The following NR6A1 variants were observed in gnomAD, a reference collection of about 807,000 sequenced individuals.
NR6A1 encodes the protein retinoic acid receptor-related testis-associated receptor.
Under a neutral mutation model 59.1 loss-of-function variants are expected in NR6A1, and 7 were observed. That is an observed-to-expected ratio of 0.12 (90% CI 0.07 to 0.22). The LOEUF is 0.22. NR6A1 is among the 10% of genes least tolerant of loss of function. The pLI, the probability that NR6A1 is intolerant of heterozygous loss-of-function variation, is 1.00. For synonymous variants in NR6A1, 243 were observed against 236.1 expected (o/e 1.03, Z -0.27); for missense variants, 468 against 611.6 (o/e 0.77, Z 2.48).
Position 124,582,260 on chromosome 9 carries a change from C to T in NR6A1, c.143-27690G>A, listed in dbSNP as rs1834794404. ...AGTCAGCCATAAAAAAGAACAAGAT[C>T]TGCAAGGACACAGATGAAGCTGGGG... On this transcript the variant is annotated intron_variant, in intron 2 of 9. Transcript: ENST00000487099. Among the ~76,000 whole-genome samples, 3 of 152,030 alleles carry T rather than the reference C, an allele frequency of 2.0e-5. No individual in the cohort carries two copies. The South Asian group carries it at 6.2e-4, about 32-fold the overall frequency.
Position 124,608,086 on chromosome 9 carries a change from C to T in NR6A1, c.143-53516G>A, listed in dbSNP as rs1367211716. Among the ~76,000 whole-genome samples the T allele has an allele frequency of 2.6e-5, 4 of 151,842 alleles. No individual in the cohort carries two copies. The South Asian group carries it at 6.2e-4, about 24-fold the overall frequency. ...AAAAAATAAATAAAAAAAATAATTT[C>T]GTGCTTAGGAGGAAAAATGACAACC... is the stretch of plus-strand genomic sequence containing the variant. On this transcript the variant is annotated intron_variant, in intron 2 of 9. Transcript: ENST00000487099.
intron 2 of NR6A1, among the ~76,000 whole-genome samples, chr9:124,611,751 G>A (rs537201106): frequency 1.1e-5 from 1 of 94,048 alleles, no homozygotes; most frequent in South Asian, 3.6e-4. Context: ...CCCTGTCTTA[G>A]AGAGAGAGAG....
At chr9:124,663,627 AG>A (rs1156840983) in intron 2 of NR6A1, among the ~76,000 whole-genome samples, 5 of 152,200 alleles carry the variant, frequency 3.3e-5, no homozygotes, top group Non-Finnish European at 7.4e-5. Flanking sequence ...ACACTCAGTA[AG>A]GGCTTGAGGT....
Position 124,522,697 on chromosome 9 carries a change from G to A in NR6A1, c.*8C>T. Reference sequence around the variant, plus strand: ...TGTGGTTGGCCTGAGGAGGGCGCCTGGAACAGGTCATTCCTTGCCCACACT... The same window carrying A: ...TGTGGTTGGCCTGAGGAGGGCGCCTAGAACAGGTCATTCCTTGCCCACACT... On this transcript the variant is annotated 3_prime_UTR_variant, in exon 10 of 10. Transcript: ENST00000487099. 2.6e-6 allele frequency: 4 copies of A among 1,566,048 alleles called. No homozygotes were observed. The highest frequency in any genetic ancestry group is 3.5e-6 in the Non-Finnish European group (4 of 1,155,808).
intron 2 of NR6A1, among the ~76,000 whole-genome samples, chr9:124,573,893 A>C (rs1403980248): frequency 6.6e-6 from 1 of 152,222 alleles, no homozygotes; most frequent in Non-Finnish European, 1.5e-5. Flanking sequence ...CAAATTTACC[A>C]AACTATTATC....
intron 2 of NR6A1, among the ~76,000 whole-genome samples, chr9:124,575,571 C>G (rs1177191470): frequency 2.6e-5 from 4 of 152,022 alleles, no homozygotes; most frequent in African/African-American, 4.8e-5. Flanking sequence ...GAGACTCTGT[C>G]TCAAAAAAAT....
intron 1 of NR6A1, among the ~76,000 whole-genome samples, chr9:124,749,417 T>C (rs1840432379): frequency 6.6e-6 from 1 of 152,210 alleles, no homozygotes; most frequent in South Asian, 2.1e-4. Flanking sequence ...ACTTAGGGAA[T>C]AGGACCTTTT....
intron 2 of NR6A1, among the ~76,000 whole-genome samples, chr9:124,603,412 CT>C (rs1406395906): frequency 6.6e-6 from 1 of 152,006 alleles, no homozygotes; most frequent in Non-Finnish European, 1.5e-5. Context: ...GTTTTTTCCC[CT>C]AGACAAACTC....
intron 1 of NR6A1, among the ~76,000 whole-genome samples, chr9:124,736,039 A>T (rs1564260136): frequency 6.6e-6 from 1 of 152,222 alleles, no homozygotes; most frequent in Non-Finnish European, 1.5e-5. Context: ...ACACGGATTG[A>T]ATGTTGAACA....
chr9:124,622,745 A>C (rs1836113293), intron 2 of NR6A1, among the ~76,000 whole-genome samples: 1 of 151,998 alleles, frequency 6.6e-6, no homozygotes, highest in Non-Finnish European at 1.5e-5. Flanking sequence ...CAACAAAAAC[A>C]CTGGAAAACC....
intron 1 of NR6A1, among the ~76,000 whole-genome samples, chr9:124,734,347 G>A (rs1242588990): frequency 1.3e-5 from 2 of 152,190 alleles, no homozygotes; most frequent in East Asian, 1.9e-4. Flanking sequence ...AGCCTAGCAC[G>A]GAGTAGCTGT....
chr9:124,529,825 T>A (rs568852192), intron 7 of NR6A1, among the ~76,000 whole-genome samples: 5 of 152,170 alleles, frequency 3.3e-5, no homozygotes, highest in African/African-American at 1.2e-4. Context: ...CCACTCCTCA[T>A]CATAGCACTG....
intron 2 of NR6A1, among the ~76,000 whole-genome samples, chr9:124,625,217 T>C (rs573536776): frequency 3.7e-4 from 57 of 152,336 alleles, no homozygotes; most frequent in African/African-American, 1.3e-3. Context: ...ATCTGTCTAG[T>C]TTTAGTTTCC....
At chr9:124,758,575 TA>T (rs1445386963) in intron 1 of NR6A1, among the ~76,000 whole-genome samples, 2 of 152,204 alleles carry the variant, frequency 1.3e-5, no homozygotes, top group Non-Finnish European at 2.9e-5. Flanking sequence ...TGATCTTGTT[TA>T]AACAACAAAA....
At chr9:124,598,106 C>T (rs192791227) in intron 2 of NR6A1, among the ~76,000 whole-genome samples, 1 of 152,196 alleles carries the variant, frequency 6.6e-6, no homozygotes. Context: ...GCCTTAACCT[C>T]TCAAAGTGCT....
Position 124,586,716 on chromosome 9 carries a change from T to C in NR6A1, c.143-32146A>G, listed in dbSNP as rs750331912. On this transcript the variant is annotated intron_variant, in intron 2 of 9. Coordinates refer to ENST00000487099, the MANE Select transcript of NR6A1 (RefSeq NM_033334.4). ...CTCCTTCATTGGCCTCCCAAAGTGC[T>C]GGGATTACAGGTGCAAGCCACCACA... is the stretch of plus-strand genomic sequence containing the variant. Among the ~76,000 whole-genome samples the C allele has an allele frequency of 4.1e-4, 62 of 152,334 alleles. 1 individual carries two copies. Among genetic ancestry groups the C allele is most frequent in the Admixed American group, 1.1e-3 (17 of 15,304 alleles).
chr9:124,718,235 G>C (rs1390334522), intron 2 of NR6A1, among the ~76,000 whole-genome samples: 2 of 152,214 alleles, frequency 1.3e-5, no homozygotes, highest in African/African-American at 4.8e-5. Context: ...CCCTGCAACT[G>C]TCAGGATAGC....
chr9:124,530,778 T>C (rs970819598), intron 7 of NR6A1, among the ~76,000 whole-genome samples: 2 of 152,230 alleles, frequency 1.3e-5, no homozygotes, highest in African/African-American at 2.4e-5. Flanking sequence ...AAGACTAGTT[T>C]CAGGACAAAT....
At position 124,519,951 on chromosome 9, in the gene NR6A1, T is replaced by C. The variant is rs1428859846; in HGVS notation, c.*2754A>G. Reference sequence around the variant, plus strand: ...AAAAATCCTCACTCAAAGTGAGTGCTTTTGGTGGTTGGGGATCAGAGAGAG... The same window carrying C: ...AAAAATCCTCACTCAAAGTGAGTGCCTTTGGTGGTTGGGGATCAGAGAGAG... On this transcript the variant is annotated 3_prime_UTR_variant, in exon 10 of 10. Transcript: ENST00000487099. 6.7e-6 allele frequency: 1 copy of C among 148,572 alleles called. No individual in the cohort carries two copies. The highest frequency in any genetic ancestry group is 1.5e-5 in the Non-Finnish European group (1 of 67,688). 9.2% of individuals were successfully genotyped at this position (148,572 alleles called of 1,614,324 possible).
Sources: gnomAD v4.1 joint callset for allele counts (sites outside exome capture counted in the v4.1 genomes callset) on GRCh38, gnomAD v4.1.1 for gene constraint, MANE v1.5 for transcripts, NCBI Gene and HGNC (gene_info 2026-07-23, HGNC 2026-07-21) for gene names.